MAN1C1: variants seen among roughly 807,000 people sequenced by gnomAD.
The protein encoded by MAN1C1 is mannosyl-oligosaccharide 1,2-alpha-mannosidase IC.
In MAN1C1, 49 loss-of-function variants were observed where a neutral mutation model predicts 71.5. The observed-to-expected ratio is 0.69, with a 90% CI of 0.54 to 0.87. The LOEUF (loss-of-function observed/expected upper bound fraction) is 0.87, where lower values mean the gene tolerates loss of function less well. Among genes scored for constraint, MAN1C1 ranks in the 40% least tolerant of loss-of-function variants. The pLI is 0.00. For synonymous variants in MAN1C1, 352 were observed against 343.7 expected (o/e 1.02, Z -0.27); for missense variants, 743 against 835.0 (o/e 0.89, Z 1.36).
rs945950705 is a variant in MAN1C1, at chr1:25,634,983, T to C, written c.540+16646T>C. ...TGTCTGGTTTTTGGTGTCAACATTATGTTGACATCATAAAATAAACTGTAT... is the reference window on the plus strand; with the variant it reads ...TGTCTGGTTTTTGGTGTCAACATTACGTTGACATCATAAAATAAACTGTAT... On this transcript the variant is annotated intron_variant, in intron 1 of 11. Transcript: ENST00000374332. This position sits in a 1 kb window ranked among gnomAD's most constrained non-coding sequence, Gnocchi z 4.6. Among the ~76,000 whole-genome samples the C allele has an allele frequency of 2.6e-5, 4 of 152,104 alleles. No individual in the cohort carries two copies. Among genetic ancestry groups the C allele is most frequent in the East Asian group, 1.9e-4 (1 of 5,192 alleles).
At chr1:25,624,825 A>G (rs1156965042) in intron 1 of MAN1C1, among the ~76,000 whole-genome samples, 1 of 152,116 alleles carries the variant, frequency 6.6e-6, no homozygotes, top group East Asian at 1.9e-4. Flanking sequence ...GGTCGCCATA[A>G]AATCCACTGT....
intron 2 of MAN1C1, among the ~76,000 whole-genome samples, chr1:25,729,833 GA>G (rs1311903798): frequency 1.3e-4 from 20 of 151,428 alleles, no homozygotes; most frequent in African/African-American, 4.2e-4. Flanking sequence ...TCTAGATGAG[GA>G]ACCCAGGTCT....
Position 25,658,320 on chromosome 1 carries a change from G to A in MAN1C1, c.541-28120G>A, listed in dbSNP as rs556695966. Among the ~76,000 whole-genome samples, 3 of 152,302 alleles carry A rather than the reference G, an allele frequency of 2.0e-5. No homozygotes were observed. In the East Asian group the frequency reaches 5.8e-4, roughly 29 times the overall value. Reference sequence around the variant, plus strand: ...AGCCAGGCTATGAATCTAGAGTGAAGCCCTTGGTTATCCCAAACCATAGAC... The same window carrying A: ...AGCCAGGCTATGAATCTAGAGTGAAACCCTTGGTTATCCCAAACCATAGAC... On this transcript the variant is annotated intron_variant, in intron 1 of 11. Transcript: ENST00000374332.
At chr1:25,714,886 C>T (rs1299251380) in intron 2 of MAN1C1, among the ~76,000 whole-genome samples, 1 of 152,118 alleles carries the variant, frequency 6.6e-6, no homozygotes, top group South Asian at 2.1e-4. Flanking sequence ...GACATTGACC[C>T]TCAAGGTCAA....
intron 2 of MAN1C1, among the ~76,000 whole-genome samples, chr1:25,702,943 G>A (rs1004574454): frequency 2.6e-5 from 4 of 152,242 alleles, no homozygotes; most frequent in Non-Finnish European, 5.9e-5. Flanking sequence ...GAATTGAACA[G>A]TTTGGATGAA....
chr1:25,624,029 G>A (rs6662191), intron 1 of MAN1C1, among the ~76,000 whole-genome samples: 7,618 of 152,234 alleles, frequency 0.05, 633 homozygotes, highest in African/African-American at 0.17. Flanking sequence ...ATAAGCCCTG[G>A]TTCTTGATTC....
intron 3 of MAN1C1, among the ~76,000 whole-genome samples, chr1:25,747,260 C>T (rs2047142954): frequency 6.6e-6 from 1 of 152,132 alleles, no homozygotes. Context: ...GGTGCATATC[C>T]CTTTGCAGAC....
rs2046817898 is a variant in MAN1C1, at chr1:25,725,328, G to A, written c.638-21340G>A. 6.6e-6 allele frequency among the ~76,000 whole-genome samples: 1 copy of A among 152,210 alleles called. No individual in the cohort carries two copies. Among genetic ancestry groups the A allele is most frequent in the Non-Finnish European group, 1.5e-5 (1 of 68,028 alleles). Reference sequence around the variant, plus strand: ...ATGCTAGAGATGCAAAGGTGCACTGGCCACGTCCCTTGCCTCGAAAGAGTT... The same window carrying A: ...ATGCTAGAGATGCAAAGGTGCACTGACCACGTCCCTTGCCTCGAAAGAGTT... On this transcript the variant is annotated intron_variant, in intron 2 of 11. Coordinates refer to ENST00000374332, the MANE Select transcript of MAN1C1 (RefSeq NM_020379.4). This position sits in a 1 kb window ranked among gnomAD's most constrained non-coding sequence, Gnocchi z 4.8.
intron 1 of MAN1C1, among the ~76,000 whole-genome samples, chr1:25,639,420 A>G (rs564482717): frequency 2.0e-5 from 3 of 152,236 alleles, no homozygotes; most frequent in Admixed American, 6.5e-5. Flanking sequence ...TTTTTATTCT[A>G]TGCTACACAT....
rs1007817670 is a variant in MAN1C1 at position 25,735,077 on chromosome 1, A to G, written c.638-11591A>G. On this transcript the variant is annotated intron_variant, in intron 2 of 11. Transcript: ENST00000374332. The surrounding 1 kb of genome is among the most constrained non-coding windows in gnomAD (Gnocchi z 4.6). ...GGCTGGAGAGAGTGGGCCACATGGA[A>G]GCAGTAGTTTGCCTAGAATGTGGAA... Among the ~76,000 whole-genome samples, 4 of 152,188 alleles carry G rather than the reference A, an allele frequency of 2.6e-5. No individual in the cohort carries two copies. Among genetic ancestry groups the G allele is most frequent in the African/African-American group, 9.6e-5 (4 of 41,452 alleles).
intron 2 of MAN1C1, among the ~76,000 whole-genome samples, chr1:25,732,505 G>A (rs895809587): frequency 1.3e-5 from 2 of 152,218 alleles, no homozygotes; most frequent in African/African-American, 4.8e-5. Context: ...AGACTTAAAA[G>A]AGGTGCTGTC....
intron 1 of MAN1C1, among the ~76,000 whole-genome samples, chr1:25,680,684 G>GTA (rs2046139251): frequency 6.6e-6 from 1 of 152,142 alleles, no homozygotes. Flanking sequence ...CCATTGCATG[G>GTA]TATACCACAT....
chr1:25,665,771 T>A (rs975144454), intron 1 of MAN1C1, among the ~76,000 whole-genome samples: 4 of 151,872 alleles, frequency 2.6e-5, no homozygotes, highest in Admixed American at 6.6e-5. Flanking sequence ...GAAGAAATGG[T>A]GTCAGAGTTA....
chr1:25,659,659 A>T (rs2045818628), intron 1 of MAN1C1, among the ~76,000 whole-genome samples: 1 of 152,070 alleles, frequency 6.6e-6, no homozygotes, highest in African/African-American at 2.4e-5. Flanking sequence ...AATCTCCTGG[A>T]CTCCAGCTTT....
intron 1 of MAN1C1, among the ~76,000 whole-genome samples, chr1:25,674,426 G>A (rs2046035809): frequency 6.6e-6 from 1 of 152,226 alleles, no homozygotes; most frequent in Non-Finnish European, 1.5e-5. Flanking sequence ...GAGCAATGGA[G>A]CCAACAGAGC....
chr1:25,719,901 A>G (rs978953924), intron 2 of MAN1C1, among the ~76,000 whole-genome samples: 1 of 152,190 alleles, frequency 6.6e-6, no homozygotes, highest in Admixed American at 6.5e-5. Flanking sequence ...CTCCTGCCCC[A>G]GCCTCCTGAG....
intron 1 of MAN1C1, among the ~76,000 whole-genome samples, chr1:25,652,872 C>T (rs558086087): frequency 2.6e-5 from 4 of 152,338 alleles, no homozygotes; most frequent in South Asian, 4.1e-4. Context: ...CCTCCCACCT[C>T]AGCCTTCAAA....
chr1:25,765,042 C>T (rs939586746), intron 7 of MAN1C1, among the ~76,000 whole-genome samples: 3 of 151,604 alleles, frequency 2.0e-5, no homozygotes, highest in Admixed American at 2.0e-4. Flanking sequence ...AGCAAGACTC[C>T]GTCCCAAAAA....
intron 1 of MAN1C1, among the ~76,000 whole-genome samples, chr1:25,682,882 A>G (rs192605057): frequency 2.6e-5 from 4 of 152,208 alleles, no homozygotes; most frequent in African/African-American, 9.6e-5. Flanking sequence ...TACTAAAAAT[A>G]TAAAAATTAG....
Sources: gnomAD v4.1 joint callset for allele counts (sites outside exome capture counted in the v4.1 genomes callset) on GRCh38, gnomAD v4.1.1 for gene constraint, Gnocchi (gnomAD v3.1) non-coding constraint, MANE v1.5 for transcripts, NCBI Gene and HGNC (gene_info 2026-07-23, HGNC 2026-07-21) for gene names.